The following RBFOX3 variants were observed in gnomAD, a reference collection of about 807,000 sequenced individuals.
RBFOX3 encodes RNA binding fox-1 homolog 3, also known as RNA binding protein fox-1 homolog 3.
RBFOX3 carries 17 observed loss-of-function variants against 48.7 expected under a neutral mutation model. That is an observed-to-expected ratio of 0.35 (90% CI 0.24 to 0.52). The LOEUF (loss-of-function observed/expected upper bound fraction) is 0.52. RBFOX3 is among the 20% of genes least tolerant of loss of function. The probability of loss-of-function intolerance (pLI) is 0.94; values close to 1 mark genes in which losing one functional copy is unlikely to be tolerated. For missense variants in RBFOX3, 382 were observed against 497.5 expected (o/e 0.77, Z 2.21); for synonymous variants, 212 against 209.5 (o/e 1.01, Z -0.10).
intron 1 of RBFOX3, among the ~76,000 whole-genome samples, chr17:79,569,758 A>G (rs2092597516): frequency 6.6e-6 from 1 of 152,266 alleles, no homozygotes. Context: ...GGATGGATGG[A>G]AAGATAGAAA....
intron 3 of RBFOX3, among the ~76,000 whole-genome samples, chr17:79,271,850 C>T (rs2067771179): frequency 3.9e-5 from 6 of 152,234 alleles, no homozygotes; most frequent in African/African-American, 1.4e-4. Context: ...GACCTAGAGG[C>T]ACAGGAGTTC....
At chr17:79,455,907 G>T (rs1199178228) in intron 2 of RBFOX3, among the ~76,000 whole-genome samples, 4 of 152,154 alleles carry the variant, frequency 2.6e-5, no homozygotes, top group Non-Finnish European at 5.9e-5. Context: ...GCCTCTCTCG[G>T]ACATTGCACT....
At chr17:79,483,623 G>A (rs1053467363) in intron 1 of RBFOX3, among the ~76,000 whole-genome samples, 3 of 151,080 alleles carry the variant, frequency 2.0e-5, no homozygotes, top group East Asian at 2.0e-4. Flanking sequence ...GGCTTCATGC[G>A]GATGTGCTGG....
At chr17:79,453,252 A>T (rs2073877219) in intron 2 of RBFOX3, among the ~76,000 whole-genome samples, 1 of 152,266 alleles carries the variant, frequency 6.6e-6, no homozygotes, top group Admixed American at 6.5e-5. Flanking sequence ...CCCTAAGTCC[A>T]GAGCGATGCC....
Position 79,167,179 on chromosome 17 carries a change from G to C in RBFOX3, c.-33-51431C>G, listed in dbSNP as rs557396217. On this transcript the variant is annotated intron_variant, in intron 4 of 14. Transcript: ENST00000693108. Reference sequence around the variant, plus strand: ...TATCCTGGGGCTGCTGGAGGCTCAAGTCAGAGACTTCCAGACAGTGCCAGG... The same window carrying C: ...TATCCTGGGGCTGCTGGAGGCTCAACTCAGAGACTTCCAGACAGTGCCAGG... Among the ~76,000 whole-genome samples, 74 of 152,332 alleles carry C rather than the reference G, an allele frequency of 4.9e-4. 1 individual carries two copies. Among genetic ancestry groups the C allele is most frequent in the African/African-American group, 1.7e-3 (69 of 41,580 alleles).
intron 2 of RBFOX3, among the ~76,000 whole-genome samples, chr17:79,310,656 G>A (rs577013807): frequency 1.3e-5 from 2 of 152,250 alleles, no homozygotes; most frequent in South Asian, 2.1e-4. Flanking sequence ...CCCTCCTCCC[G>A]CATTCCCCAG....
rs1412369977 is a variant in RBFOX3, at chr17:79,362,751, A to C, written c.-174-54927T>G. ...TAGAGACCATGGGATGGGGCCTCCG[A>C]GGAGCTCTGGGACTGCTCAAGGCCA... On this transcript the variant is annotated intron_variant, in intron 2 of 14. Coordinates refer to ENST00000693108, the MANE Select transcript of RBFOX3 (RefSeq NM_001350451.2). This position sits in a 1 kb window ranked among gnomAD's most constrained non-coding sequence, Gnocchi z 4.2. Among the ~76,000 whole-genome samples the C allele has an allele frequency of 2.0e-4, 30 of 152,118 alleles. No individual in the cohort carries two copies. Among genetic ancestry groups the C allele is most frequent in the Non-Finnish European group, 1.5e-5 (1 of 68,014 alleles).
In RBFOX3 at chr17:79,480,740, C is replaced by A. The variant is rs1252797342; in HGVS notation, c.-175+1714G>T. On this transcript the variant is annotated intron_variant, in intron 2 of 14. Coordinates refer to ENST00000693108, the MANE Select transcript of RBFOX3 (RefSeq NM_001350451.2). This position sits in a 1 kb window ranked among gnomAD's most constrained non-coding sequence, Gnocchi z 4.8. ...CCTCCCTCCCTTCCTTCTGTCTTGG[C>A]TCACAACATCAGCACCGGGGCCTGC... 1.3e-5 allele frequency among the ~76,000 whole-genome samples: 2 copies of A among 152,192 alleles called. No homozygotes were observed. The highest frequency in any genetic ancestry group is 2.9e-5 in the Non-Finnish European group (2 of 68,042).
intron 11 of RBFOX3, 105 bp downstream of exon 11, chr17:79,097,187 T>C: frequency 7.3e-6 from 4 of 551,442 alleles, no homozygotes; most frequent in Non-Finnish European, 2.7e-6. Context: ...CCCCCCCAGG[T>C]CTGGAAAGGC....
intron 4 of RBFOX3, among the ~76,000 whole-genome samples, chr17:79,210,981 CAGG>C (rs1471431950): frequency 1.3e-5 from 2 of 151,910 alleles, no homozygotes; most frequent in African/African-American, 4.8e-5. Context: ...TACAAATAAA[CAGG>C]AGGAGGTTGC....
At chr17:79,368,214 C>T (rs777900121) in intron 2 of RBFOX3, among the ~76,000 whole-genome samples, 30 of 152,170 alleles carry the variant, frequency 2.0e-4, no homozygotes, top group Non-Finnish European at 4.1e-4. Flanking sequence ...GCCGTGCCCA[C>T]GTCATTCTGC....
intron 4 of RBFOX3, among the ~76,000 whole-genome samples, chr17:79,219,888 T>A (rs981010199): frequency 6.6e-6 from 1 of 151,782 alleles, no homozygotes; most frequent in African/African-American, 2.4e-5. Flanking sequence ...GGCTAGTGTA[T>A]CCCCTGCCGG....
In RBFOX3 at chr17:79,228,006, T is replaced by C. The variant is rs543999918; in HGVS notation, c.-34+7760A>G. Among the ~76,000 whole-genome samples, 94 of 152,250 alleles carry C rather than the reference T, an allele frequency of 6.2e-4. No individual in the cohort carries two copies. In the South Asian group the frequency reaches 8.1e-3, roughly 13 times the overall value. ...CAAGGGGCCCTGCGGTCAGCGTCAA[T>C]GTAAGGCCTGCAGGGTCAGAAGGAC... is the stretch of plus-strand genomic sequence containing the variant. On this transcript the variant is annotated intron_variant, in intron 4 of 14. Coordinates refer to ENST00000693108, the MANE Select transcript of RBFOX3 (RefSeq NM_001350451.2).
intron 4 of RBFOX3, among the ~76,000 whole-genome samples, chr17:79,169,936 GAAGGA>G (rs1418712765): frequency 2.6e-5 from 4 of 151,624 alleles, no homozygotes; most frequent in Non-Finnish European, 5.9e-5. Flanking sequence ...AGGAAGAAGA[GAAGGA>G]AAGAAGGAAA....
rs544664712 is a variant in RBFOX3 at position 79,256,812 on chromosome 17, C to T, written c.-73-21007G>A. Among the ~76,000 whole-genome samples the T allele has an allele frequency of 1.7e-3, 254 of 152,052 alleles. 1 individual carries two copies. The highest frequency in any genetic ancestry group is 5.8e-3 in the African/African-American group (242 of 41,488). Reference sequence around the variant, plus strand: ...GCACGCACCTGAAATCCTATCTACTCGTGGGGGGCTGAGGCAGGAGAATCG... The same window carrying T: ...GCACGCACCTGAAATCCTATCTACTTGTGGGGGGCTGAGGCAGGAGAATCG... On this transcript the variant is annotated intron_variant, in intron 3 of 14. Transcript: ENST00000693108.
At chr17:79,200,661 C>T (rs1384230049) in intron 4 of RBFOX3, among the ~76,000 whole-genome samples, 1 of 152,118 alleles carries the variant, frequency 6.6e-6, no homozygotes, top group Admixed American at 6.5e-5. Context: ...AGTTGAGACG[C>T]CAGGAGAGCT....
Position 79,477,479 on chromosome 17 carries a change from C to T in RBFOX3, c.-175+4975G>A, listed in dbSNP as rs1180126095. The stretch of plus-strand genomic sequence containing the variant: ...GCTGAGGCAGGAGAATGGCGTGAAC[C>T]CGGGAGGCGGAGTTTGCAGTGAGCT... On this transcript the variant is annotated intron_variant, in intron 2 of 14. Coordinates refer to ENST00000693108, the MANE Select transcript of RBFOX3 (RefSeq NM_001350451.2). This position sits in a 1 kb window ranked among gnomAD's most constrained non-coding sequence, Gnocchi z 4.8. Among the ~76,000 whole-genome samples, 3 of 151,896 alleles carry T rather than the reference C, an allele frequency of 2.0e-5. No individual in the cohort carries two copies. Among genetic ancestry groups the T allele is most frequent in the African/African-American group, 7.3e-5 (3 of 41,358 alleles).
chr17:79,205,211 CA>C lies in RBFOX3; in HGVS notation c.-34+30554del, dbSNP rs994736733. ...CCTGTGTCCTGGGGAAGGGGACTAG[CA>C]GAAGTTTTGCAGGCAGGAGGATACA... is the stretch of plus-strand genomic sequence containing the variant. On this transcript the variant is annotated intron_variant, in intron 4 of 14. Coordinates refer to ENST00000693108, the MANE Select transcript of RBFOX3 (RefSeq NM_001350451.2). The surrounding 1 kb of genome is among the most constrained non-coding windows in gnomAD (Gnocchi z 4.5). Among the ~76,000 whole-genome samples the C allele has an allele frequency of 2.7e-4, 41 of 152,228 alleles. No individual in the cohort carries two copies. The highest frequency in any genetic ancestry group is 9.4e-4 in the African/African-American group (39 of 41,526).
chr17:79,239,987 C>G (rs2062129714), intron 3 of RBFOX3, among the ~76,000 whole-genome samples: 1 of 152,202 alleles, frequency 6.6e-6, no homozygotes, highest in Admixed American at 6.5e-5. Context: ...CTTTAGGCCC[C>G]TTGATTCCAC....
Sources: allele counts gnomAD v4.1 joint callset (sites outside exome capture counted in the v4.1 genomes callset), GRCh38; gene constraint gnomAD v4.1.1; non-coding constraint Gnocchi (gnomAD v3.1); transcripts MANE v1.5; gene names NCBI Gene and HGNC (gene_info 2026-07-23, HGNC 2026-07-21).